The following PHYHIPL variants were observed in gnomAD, a reference collection of about 807,000 sequenced individuals.
The protein encoded by PHYHIPL is phytanoyl-CoA 2-hydroxylase interacting protein like, also known as phytanoyl-CoA hydroxylase-interacting protein-like.
A neutral mutation model predicts 33.4 loss-of-function variants in PHYHIPL; 9 were observed. That is an observed-to-expected ratio of 0.27 (90% CI 0.16 to 0.47). The LOEUF is 0.47. Ranked by LOEUF, PHYHIPL falls within the 20% of genes least tolerant of loss-of-function variation. The pLI is 0.99. For missense variants in PHYHIPL, 365 were observed against 460.7 expected (o/e 0.79, Z 1.90); for synonymous variants, 153 against 154.1 (o/e 0.99, Z 0.05).
In PHYHIPL at chr10:59,246,582, T is replaced by C. The variant is rs1486783262; in HGVS notation, c.*991T>C. 2.5e-6 allele frequency: 1 copy of C among 397,148 alleles called. No homozygotes were observed. The highest frequency in any genetic ancestry group is 4.4e-6 in the Non-Finnish European group (1 of 224,888). The allele number at this position is 397,148 out of a possible 1,614,324, so 24.6% of individuals were successfully genotyped here. On this transcript the variant is annotated 3_prime_UTR_variant, in exon 5 of 5. Coordinates refer to ENST00000373880, the MANE Select transcript of PHYHIPL (RefSeq NM_032439.4). ...TGAAAATAATAAACATGTTTTCGTATAAAATAACACAAAATGATATACACT... is the reference window on the plus strand; with the variant it reads ...TGAAAATAATAAACATGTTTTCGTACAAAATAACACAAAATGATATACACT...
Position 59,247,655 on chromosome 10 carries a change from C to G in PHYHIPL, c.*2064C>G, listed in dbSNP as rs940782902. 1.9e-6 allele frequency: 3 copies of G among 1,613,382 alleles called. No individual in the cohort carries two copies. The African/African-American group carries it at 4.0e-5, about 22-fold the overall frequency. Reference sequence around the variant, plus strand: ...ACATCTTGCTTGCTGATGAGGACCTCTAATAGTCTCAGTTTGGCTTTTATG... The same window carrying G: ...ACATCTTGCTTGCTGATGAGGACCTGTAATAGTCTCAGTTTGGCTTTTATG... On this transcript the variant is annotated 3_prime_UTR_variant, in exon 5 of 5. Coordinates refer to ENST00000373880, the MANE Select transcript of PHYHIPL (RefSeq NM_032439.4).
chr10:59,201,774 A>G (rs762272379), intron 1 of PHYHIPL, among the ~76,000 whole-genome samples: 31 of 152,230 alleles, frequency 2.0e-4, no homozygotes, highest in Non-Finnish European at 4.0e-4. Context: ...ATGATTTATC[A>G]TAATTATGAA....
intron 1 of PHYHIPL, among the ~76,000 whole-genome samples, chr10:59,211,664 T>TTAA (rs1405888583): frequency 1.3e-4 from 10 of 74,100 alleles, no homozygotes; most frequent in Non-Finnish European, 2.6e-4. Context: ...GCGGACTCTC[T>TTAA]AAAAAAAAAA....
At position 59,247,482 on chromosome 10, in the gene PHYHIPL, C is replaced by T; in HGVS notation, c.*1891C>T. 9.0e-7 allele frequency: 1 copy of T among 1,114,608 alleles called. No homozygotes were observed. The highest frequency in any genetic ancestry group is 1.3e-6 in the Non-Finnish European group (1 of 760,998). 69.0% of individuals were successfully genotyped at this position (1,114,608 alleles called of 1,614,324 possible). A position where few individuals can be genotyped will look rare whatever the true frequency, so the allele number is the denominator to read the frequency against. ...TATATAATTAAACTTGCTATTCCTT[C>T]TTAAAAACAGCTAATACTACCACTA... On this transcript the variant is annotated 3_prime_UTR_variant, in exon 5 of 5. Coordinates refer to ENST00000373880, the MANE Select transcript of PHYHIPL (RefSeq NM_032439.4).
chr10:59,245,605 T>C lies in PHYHIPL; in HGVS notation c.*14T>C. On this transcript the variant is annotated 3_prime_UTR_variant, in exon 5 of 5. Coordinates refer to ENST00000373880, the MANE Select transcript of PHYHIPL (RefSeq NM_032439.4). ...GTTGGACGTTAATGCCCACTTTTCT[T>C]ATTCTTACTCAGCCCCTTTTCCTCC... The C allele has an allele frequency of 6.4e-7, 1 of 1,568,702 alleles. No homozygotes were observed. Among genetic ancestry groups the C allele is most frequent in the Non-Finnish European group, 8.6e-7 (1 of 1,160,992 alleles).
chr10:59,191,198 T>C (rs1451968015), intron 1 of PHYHIPL, among the ~76,000 whole-genome samples: 1 of 151,972 alleles, frequency 6.6e-6, no homozygotes, highest in Non-Finnish European at 1.5e-5. Context: ...AATGTAGAGA[T>C]CTGACCCATA....
intron 1 of PHYHIPL, among the ~76,000 whole-genome samples, chr10:59,230,585 T>C (rs1840050215): frequency 2.0e-5 from 3 of 152,154 alleles, no homozygotes; most frequent in Admixed American, 2.0e-4. Context: ...TTAATGAAAT[T>C]GTATCTTAAG....
chr10:59,245,226 G>A lies in PHYHIPL; in HGVS notation c.766G>A (p.Ala256Thr), dbSNP rs369674396. ...TGGAAGATACAGGTTTGAGATTGCC[G>A]CAGAAAAACTTTTTAACCCCAATAC... ...PYGRYRFEIAAEKLFNPNTNL... is the reference protein window; with the variant it reads ...PYGRYRFEIATEKLFNPNTNL... Residue 256 changes from alanine (A) to threonine (T), a missense_variant, in exon 5 of 5, where the codon GCA becomes ACA. Transcript: ENST00000373880. 2.0e-5 allele frequency: 33 copies of A among 1,613,992 alleles called. No homozygotes were observed. The highest frequency in any genetic ancestry group is 4.5e-5 in the East Asian group (2 of 44,886).
chr10:59,244,852 A>C (rs1445951202), intron 4 of PHYHIPL, among the ~76,000 whole-genome samples: 1 of 152,186 alleles, frequency 6.6e-6, no homozygotes, highest in Non-Finnish European at 1.5e-5. Context: ...CAAGGCTTGT[A>C]GCAGCTCATC....
chr10:59,208,666 C>A (rs1046744110), intron 1 of PHYHIPL, among the ~76,000 whole-genome samples: 1 of 151,850 alleles, frequency 6.6e-6, no homozygotes, highest in African/African-American at 2.4e-5. Flanking sequence ...TGCAAGGAAG[C>A]TAAGAACCTT....
At chr10:59,187,328 T>A (rs773393338) in intron 1 of PHYHIPL, among the ~76,000 whole-genome samples, 4 of 152,230 alleles carry the variant, frequency 2.6e-5, no homozygotes, top group African/African-American at 4.8e-5. Context: ...TTGATTATGG[T>A]GGATGAGCTT....
At position 59,238,654 on chromosome 10, in the gene PHYHIPL, A is replaced by T. The variant is rs969697913; in HGVS notation, c.545A>T (p.Lys182Met). The T allele has an allele frequency of 1.2e-6, 2 of 1,609,838 alleles. No homozygotes were observed. The highest frequency in any genetic ancestry group is 4.5e-5 in the East Asian group (2 of 44,768). Reference protein sequence around the residue: ...KAEVIAGRMLKFSVFYRNQHK... With the variant: ...KAEVIAGRMLMFSVFYRNQHK... ...GAAGTGATTGCAGGACGCATGCTTA[A>T]GTTTTCTGTTTTTTATCGTAATCAG... Residue 182 changes from lysine to methionine, a missense_variant, in exon 4 of 5, where the codon AAG (lysine) becomes ATG (methionine). Coordinates refer to ENST00000373880, the MANE Select transcript of PHYHIPL (RefSeq NM_032439.4).
intron 1 of PHYHIPL, among the ~76,000 whole-genome samples, chr10:59,228,080 G>T (rs778459170): frequency 2.6e-5 from 4 of 151,522 alleles, no homozygotes; most frequent in Non-Finnish European, 5.9e-5. Context: ...AAACCAATAT[G>T]ATTCAACATT....
intron 1 of PHYHIPL, among the ~76,000 whole-genome samples, chr10:59,224,341 A>G (rs1444587783): frequency 6.6e-6 from 1 of 152,118 alleles, no homozygotes; most frequent in Non-Finnish European, 1.5e-5. Flanking sequence ...AGTCTTACCT[A>G]GCCACAAGGG....
rs549675985 is a variant in PHYHIPL, at chr10:59,199,016, C to T, written c.106+22057C>T. 4.6e-5 allele frequency among the ~76,000 whole-genome samples: 7 copies of T among 152,216 alleles called. No individual in the cohort carries two copies. The South Asian group carries it at 6.2e-4, about 14-fold the overall frequency. The stretch of plus-strand genomic sequence containing the variant: ...TCCCATTCTGTACGTTGCCTGTTCA[C>T]TCTGATGGTAGTTTCTTTTGCTGTG... On this transcript the variant is annotated intron_variant, in intron 1 of 4. Transcript: ENST00000373880.
chr10:59,192,658 A>G (rs954262935), intron 1 of PHYHIPL, among the ~76,000 whole-genome samples: 1 of 152,164 alleles, frequency 6.6e-6, no homozygotes, highest in Non-Finnish European at 1.5e-5. Flanking sequence ...TTTTTAAGAC[A>G]AGATAGATAA....
chr10:59,213,686 A>T (rs1412901077), intron 1 of PHYHIPL, among the ~76,000 whole-genome samples: 1 of 152,180 alleles, frequency 6.6e-6, no homozygotes, highest in Non-Finnish European at 1.5e-5. Flanking sequence ...CCCACTATTG[A>T]ATTGTAGAAG....
In PHYHIPL at chr10:59,245,616, A is replaced by G; in HGVS notation, c.*25A>G. 1 of 1,556,136 alleles carries G rather than the reference A, an allele frequency of 6.4e-7. No homozygotes were observed. Among genetic ancestry groups the G allele is most frequent in the Non-Finnish European group, 8.7e-7 (1 of 1,155,208 alleles). The stretch of plus-strand genomic sequence containing the variant: ...ATGCCCACTTTTCTTATTCTTACTC[A>G]GCCCCTTTTCCTCCCTTAGGAGCAT... On this transcript the variant is annotated 3_prime_UTR_variant, in exon 5 of 5. Coordinates refer to ENST00000373880, the MANE Select transcript of PHYHIPL (RefSeq NM_032439.4).
chr10:59,234,301 C>T lies in PHYHIPL; in HGVS notation c.107-3C>T. Reference sequence around the variant, plus strand: ...TAACTTCCTGTGCATTGTTTTCTTGCAGGGAACAAATCACAAGACAGTGGC... The same window carrying T: ...TAACTTCCTGTGCATTGTTTTCTTGTAGGGAACAAATCACAAGACAGTGGC... On this transcript the variant is annotated splice_region_variant and splice_polypyrimidine_tract_variant and intron_variant, in intron 1 of 4. Transcript: ENST00000373880. 6.5e-7 allele frequency: 1 copy of T among 1,548,990 alleles called. No homozygotes were observed. Among genetic ancestry groups the T allele is most frequent in the Non-Finnish European group, 8.6e-7 (1 of 1,158,006 alleles).
Sources: allele counts gnomAD v4.1 joint callset (sites outside exome capture counted in the v4.1 genomes callset), GRCh38; gene constraint gnomAD v4.1.1; transcripts MANE v1.5; gene names NCBI Gene and HGNC (gene_info 2026-07-23, HGNC 2026-07-21).